The following BTN2A2 variants were observed in gnomAD, a reference collection of about 807,000 sequenced individuals.
BTN2A2 encodes butyrophilin subfamily 2 member A2, also known as butyrophilin 2.
In BTN2A2, 29 loss-of-function variants were observed where a neutral mutation model predicts 34.7. The observed-to-expected ratio is 0.84, with a 90% CI of 0.62 to 1.14. The LOEUF is 1.14. Among genes scored for constraint, BTN2A2 ranks in the 50% most tolerant of loss-of-function variants. The pLI, the probability that BTN2A2 is intolerant of heterozygous loss-of-function variation, is 0.00. For missense variants in BTN2A2, 612 were observed against 651.5 expected, an observed-to-expected ratio of 0.94 and a Z score of 0.66; for synonymous variants, 240 against 253.1, an observed-to-expected ratio of 0.95 and a Z score of 0.49.
chr6:26,387,225 A>T (rs917583811), intron 3 of BTN2A2, among the ~76,000 whole-genome samples: 1 of 152,244 alleles, frequency 6.6e-6, no homozygotes, highest in African/African-American at 2.4e-5. Context: ...TTTCTAATAC[A>T]TTGATGTTCT....
chr6:26,385,246 G>T lies in BTN2A2; in HGVS notation c.326G>T (p.Arg109Met), dbSNP rs149453161. ...ACCTTTGTGAGCAAAGACATCAACA[G>T]GGGCAGCGTGGCCCTGGTCATACAT... is the stretch of plus-strand genomic sequence containing the variant. Reference protein sequence around the residue: ...RITFVSKDINRGSVALVIHNV... With the variant: ...RITFVSKDINMGSVALVIHNV... Residue 109 changes from arginine to methionine, a missense_variant, in exon 3 of 8, where the codon AGG becomes ATG. Coordinates refer to ENST00000356709, the MANE Select transcript of BTN2A2 (RefSeq NM_006995.5). 8.1e-6 allele frequency: 13 copies of T among 1,614,152 alleles called. No homozygotes were observed. The South Asian group carries it at 1.4e-4, about 18-fold the overall frequency.
chr6:26,387,545 A>C (rs1345546376), intron 3 of BTN2A2, among the ~76,000 whole-genome samples: 3 of 149,680 alleles, frequency 2.0e-5, no homozygotes, highest in Non-Finnish European at 4.4e-5. Flanking sequence ...AGCCTGGGCA[A>C]CATGGCAAAA....
intron 3 of BTN2A2, 129 bp from the exon 4 acceptor site, chr6:26,387,884 C>T: frequency 2.1e-6 from 2 of 944,182 alleles, no homozygotes; most frequent in Admixed American, 2.8e-5. Flanking sequence ...TGAGATCTCA[C>T]AATTTATTTT....
At chr6:26,388,366 G>A in intron 4 of BTN2A2, 72 bp downstream of exon 4, 2 of 1,557,736 alleles carry the variant, frequency 1.3e-6, no homozygotes, top group South Asian at 1.2e-5. Context: ...GCCCAGAGCG[G>A]GAATGGGGGC....
Position 26,393,620 on chromosome 6 carries a change from G to A in BTN2A2, c.*653G>A. 1.0e-6 allele frequency: 1 copy of A among 999,986 alleles called. No individual in the cohort carries two copies. The highest frequency in any genetic ancestry group is 1.2e-6 in the Non-Finnish European group (1 of 838,900). The allele number at this position is 999,986 out of a possible 1,614,324, so 61.9% of individuals were successfully genotyped here. On this transcript the variant is annotated 3_prime_UTR_variant, in exon 8 of 8. Coordinates refer to ENST00000356709, the MANE Select transcript of BTN2A2 (RefSeq NM_006995.5). ...ACATGGACTCATGTGGATGTGGTTTGGCTCAGATGTCCCTGCAATAAACAA... is the reference window on the plus strand; with the variant it reads ...ACATGGACTCATGTGGATGTGGTTTAGCTCAGATGTCCCTGCAATAAACAA...
chr6:26,387,988 G>T, intron 3 of BTN2A2, 25 bp from the exon 4 acceptor site: 2 of 1,594,326 alleles, frequency 1.3e-6, no homozygotes, highest in Non-Finnish European at 1.7e-6. Context: ...CTGCCTTTTG[G>T]CTGAGCCCTG....
intron 3 of BTN2A2, 129 bp from the exon 4 acceptor site, chr6:26,387,884 C>A: frequency 1.1e-6 from 1 of 944,182 alleles, no homozygotes; most frequent in Non-Finnish European, 1.6e-6. Context: ...TGAGATCTCA[C>A]AATTTATTTT....
At position 26,393,780 on chromosome 6, in the gene BTN2A2, GT is replaced by G; in HGVS notation, c.*818del. The G allele has an allele frequency of 1.0e-6, 1 of 984,666 alleles. No homozygotes were observed. Among genetic ancestry groups the G allele is most frequent in the Non-Finnish European group, 1.2e-6 (1 of 829,126 alleles). 61.0% of individuals were successfully genotyped at this position (984,666 alleles called of 1,614,324 possible). On this transcript the variant is annotated 3_prime_UTR_variant, in exon 8 of 8. Transcript: ENST00000356709. ...GCTTCAAACTTCCTGATCTAATTAT[GT>G]TTTTAGACACTTAGAAGTTATTGAG...
Position 26,383,945 on chromosome 6 carries a change from C to T in BTN2A2, c.94+30C>T. ...GGATGTGTGTCACTTGCTGCTGTCA[C>T]CTCTCAGAAAGGAACATCAACCCTG... On this transcript the variant is annotated intron_variant, in intron 2 of 7. Transcript: ENST00000356709. This position sits in a 1 kb window ranked among gnomAD's most constrained non-coding sequence, Gnocchi z 4.4. 1.9e-6 allele frequency: 3 copies of T among 1,598,194 alleles called. No individual in the cohort carries two copies. Among genetic ancestry groups the T allele is most frequent in the Non-Finnish European group, 2.6e-6 (3 of 1,165,606 alleles).
rs765068708 is a variant in BTN2A2, at chr6:26,390,708, G to GT, written c.952+2dup. The GT allele has an allele frequency of 7.4e-6, 12 of 1,614,102 alleles. No individual in the cohort carries two copies. In the Admixed American group the frequency reaches 2.0e-4, roughly 27 times the overall value. On this transcript the variant is annotated splice_donor_variant, in intron 6 of 7. Coordinates refer to ENST00000356709, the MANE Select transcript of BTN2A2 (RefSeq NM_006995.5). LOFTEE classifies it high-confidence loss of function. ...TCAGAGCAACTTCAAGAAGAATTGCGTAAGTTTAGCCTTTCCTGAACTACT... is the reference window on the plus strand; with the variant it reads ...TCAGAGCAACTTCAAGAAGAATTGCGTTAAGTTTAGCCTTTCCTGAACTACT...
In BTN2A2 at chr6:26,390,133, T is replaced by G; in HGVS notation, c.853T>G (p.Cys285Gly). 6.2e-7 allele frequency: 1 copy of G among 1,614,084 alleles called. No homozygotes were observed. The highest frequency in any genetic ancestry group is 2.2e-5 in the East Asian group (1 of 44,884). The change falls in exon 5 of 8, where the codon TGC becomes GGC. Residue 285 changes from cysteine to glycine, a missense_variant. Cys to Gly is a radical substitution (Grantham distance 159). Transcript: ENST00000356709. ...FIIFMAVSIC[C>G]IKKLQREKKI... The stretch of plus-strand genomic sequence containing the variant: ...CATCTTCATGGCTGTCAGCATCTGT[T>G]GCATCAAGAAACTTCAAAGGGAAAA...
chr6:26,388,347 C>A (rs114141043), intron 4 of BTN2A2, 53 bp downstream of exon 4: 2 of 1,589,582 alleles, frequency 1.3e-6, no homozygotes, highest in East Asian at 2.2e-5. Context: ...TCCTCAGCAC[C>A]CAGATGGAGC....
At position 26,387,977 on chromosome 6, in the gene BTN2A2, A is replaced by G. The variant is rs565086056; in HGVS notation, c.443-36A>G. On this transcript the variant is annotated intron_variant, in intron 3 of 7. Transcript: ENST00000356709. ...AAGGTGCAGTAGGGGCTAAGATACC[A>G]CTGCCTTTTGGCTGAGCCCTGGTCT... 11 of 1,583,924 alleles carry G rather than the reference A, an allele frequency of 6.9e-6. No individual in the cohort carries two copies. The East Asian group carries it at 2.2e-4, about 32-fold the overall frequency.
Position 26,393,654 on chromosome 6 carries a change from T to G in BTN2A2, c.*687T>G. 14 of 995,736 alleles carry G rather than the reference T, an allele frequency of 1.4e-5. No homozygotes were observed. The highest frequency in any genetic ancestry group is 1.6e-5 in the Non-Finnish European group (13 of 836,400). 61.7% of individuals were successfully genotyped at this position (995,736 alleles called of 1,614,324 possible). On this transcript the variant is annotated 3_prime_UTR_variant, in exon 8 of 8. Transcript: ENST00000356709. ...GTCCCTGCAATAAACAAGGGGTCAG[T>G]ACTTAGTCCCTGAGTGTGGTTGAGG...
In BTN2A2 at chr6:26,383,982, G is replaced by A. The variant is rs1455475110; in HGVS notation, c.94+67G>A. 1.3e-6 allele frequency: 2 copies of A among 1,529,482 alleles called. No homozygotes were observed. The highest frequency in any genetic ancestry group is 2.2e-5 in the South Asian group (2 of 89,170). The allele number at this position is 1,529,482 out of a possible 1,614,324, so 94.7% of individuals were successfully genotyped here. A position where few individuals can be genotyped will look rare whatever the true frequency, so the allele number is the denominator to read the frequency against. The stretch of plus-strand genomic sequence containing the variant: ...GAACATCAACCCTGTAGTCTGCAAA[G>A]GGAAAGAAGGAAGAACTGTGGGGTT... On this transcript the variant is annotated intron_variant, in intron 2 of 7. Coordinates refer to ENST00000356709, the MANE Select transcript of BTN2A2 (RefSeq NM_006995.5). The surrounding 1 kb of genome is among the most constrained non-coding windows in gnomAD (Gnocchi z 4.4).
At chr6:26,390,986 G>A in intron 7 of BTN2A2, 157 bp downstream of exon 7, 1 of 1,098,710 alleles carries the variant, frequency 9.1e-7, no homozygotes, top group Non-Finnish European at 1.4e-6. Context: ...GATGCATCAT[G>A]GCTCTTCTGT....
chr6:26,385,829 C>A (rs1157433812), intron 3 of BTN2A2, among the ~76,000 whole-genome samples: 7 of 152,202 alleles, frequency 4.6e-5, no homozygotes, highest in Admixed American at 3.9e-4. Context: ...GGATTACAGG[C>A]GTGCGCCACC....
chr6:26,392,145 G>A (rs1761611954), intron 7 of BTN2A2: 2 of 1,365,922 alleles, frequency 1.5e-6, no homozygotes, highest in East Asian at 2.5e-5. Context: ...GGATTTCATA[G>A]AGCCACAATT....
chr6:26,392,428 G>T lies in BTN2A2; in HGVS notation c.1033G>T (p.Asp345Tyr), dbSNP rs1251896451. The change falls in exon 8 of 8, where the codon GAC (aspartate) becomes TAC (tyrosine). Residue 345 changes from aspartate to tyrosine, a missense_variant. Coordinates refer to ENST00000356709, the MANE Select transcript of BTN2A2 (RefSeq NM_006995.5). ...TCATCCCGAGCTCTTCCTGTCAGAG[G>T]ACCGGAGAAGTGTGAGGCGGGGCCC... ...TAHPELFLSE[D>Y]RRSVRRGPYR... is the part of the protein sequence containing the mutation. 1 of 1,614,238 alleles carries T rather than the reference G, an allele frequency of 6.2e-7. No individual in the cohort carries two copies. The highest frequency in any genetic ancestry group is 1.3e-5 in the African/African-American group (1 of 75,062).
Sources: allele counts gnomAD v4.1 joint callset (sites outside exome capture counted in the v4.1 genomes callset), GRCh38; gene constraint gnomAD v4.1.1; non-coding constraint Gnocchi (gnomAD v3.1); transcripts MANE v1.5; gene names NCBI Gene and HGNC (gene_info 2026-07-23, HGNC 2026-07-21).